Variants in RCAN3 observed in about 807,000 individuals in gnomAD.
The protein encoded by RCAN3 is regulator of calcineurin 3.
A neutral mutation model predicts 21.9 loss-of-function variants in RCAN3; 19 were observed. The ratio of observed to expected loss-of-function variants is 0.87; its 90% confidence interval spans 0.61 to 1.27. The LOEUF (loss-of-function observed/expected upper bound fraction) is 1.27. Among genes scored for constraint, RCAN3 ranks in the 50% most tolerant of loss-of-function variants. The pLI, the probability that RCAN3 is intolerant of heterozygous loss-of-function variation, is 0.00. For missense variants in RCAN3, 240 were observed against 300.1 expected (o/e 0.80, Z 1.48); for synonymous variants, 114 against 112.3 (o/e 1.01, Z -0.09).
chr1:24,512,323 T>C (rs913947586), intron 1 of RCAN3, among the ~76,000 whole-genome samples: 1 of 149,882 alleles, frequency 6.7e-6, no homozygotes, highest in Non-Finnish European at 1.5e-5. Flanking sequence ...CACTCCAGCC[T>C]GGGCAACAGG....
At chr1:24,512,295 G>T (rs1350432360) in intron 1 of RCAN3, among the ~76,000 whole-genome samples, 1 of 151,400 alleles carries the variant, frequency 6.6e-6, no homozygotes. Context: ...GTTGCAGTGA[G>T]CCAAGATCGT....
At chr1:24,529,542 CTG>C (rs1649571807) in intron 2 of RCAN3, among the ~76,000 whole-genome samples, 1 of 135,394 alleles carries the variant, frequency 7.4e-6, no homozygotes, top group Admixed American at 7.2e-5. Context: ...CAGAGAGACT[CTG>C]TCTCTCTTTT....
Position 24,531,257 on chromosome 1 carries a change from G to A in RCAN3, c.235G>A (p.Val79Ile), listed in dbSNP as rs1309516478. ...ACTCTTCACCATCTATGATGACCAG[G>A]TTACTTTTCAGCTGTTTAAAAGCTT... ...EALFTIYDDQVTFQLFKSFRR... is the reference protein window; with the variant it reads ...EALFTIYDDQITFQLFKSFRR... The change falls in exon 3 of 5, where the codon GTT becomes ATT. Residue 79 changes from valine (V) to isoleucine (I), a missense_variant. Transcript: ENST00000374395. The A allele has an allele frequency of 6.2e-7, 1 of 1,609,638 alleles. No homozygotes were observed. Among genetic ancestry groups the A allele is most frequent in the Non-Finnish European group, 8.5e-7 (1 of 1,177,464 alleles).
chr1:24,535,369 G>C lies in RCAN3; in HGVS notation c.*92G>C, dbSNP rs1340843530. 1.5e-5 allele frequency: 21 copies of C among 1,387,964 alleles called. No individual in the cohort carries two copies. Among genetic ancestry groups the C allele is most frequent in the Middle Eastern group, 5.2e-4 (2 of 3,856 alleles). 86.0% of individuals were successfully genotyped at this position (1,387,964 alleles called of 1,614,324 possible). A position where few individuals can be genotyped will look rare whatever the true frequency, so the allele number is the denominator to read the frequency against. Reference sequence around the variant, plus strand: ...CCGATGCGTTGCTGCGAACAGCATAGGTGAGACTCTGCCGAGTGAGGTATA... The same window carrying C: ...CCGATGCGTTGCTGCGAACAGCATACGTGAGACTCTGCCGAGTGAGGTATA... On this transcript the variant is annotated 3_prime_UTR_variant, in exon 5 of 5. Coordinates refer to ENST00000374395, the MANE Select transcript of RCAN3 (RefSeq NM_013441.4).
intron 1 of RCAN3, among the ~76,000 whole-genome samples, chr1:24,511,504 T>C (rs1647885959): frequency 6.6e-6 from 1 of 152,106 alleles, no homozygotes; most frequent in Non-Finnish European, 1.5e-5. Flanking sequence ...CACGTATTGA[T>C]TAGGCACACC....
At chr1:24,533,498 G>A (rs1254273057) in intron 4 of RCAN3, among the ~76,000 whole-genome samples, 2 of 152,156 alleles carry the variant, frequency 1.3e-5, no homozygotes, top group African/African-American at 4.8e-5. Context: ...CATTCAGTGT[G>A]GTTATAAGTA....
chr1:24,516,254 C>T (rs1648311773), intron 2 of RCAN3, among the ~76,000 whole-genome samples: 1 of 152,048 alleles, frequency 6.6e-6, no homozygotes, highest in Non-Finnish European at 1.5e-5. Flanking sequence ...CACTTGAGCC[C>T]AGGGTTTCAT....
intron 2 of RCAN3, among the ~76,000 whole-genome samples, chr1:24,521,720 C>CCA (rs1648829492): frequency 1.3e-5 from 2 of 152,010 alleles, no homozygotes; most frequent in African/African-American, 4.8e-5. Flanking sequence ...TGGTGGTATA[C>CCA]GCCTGTAGTC....
At chr1:24,518,737 C>T (rs1171285536) in intron 2 of RCAN3, among the ~76,000 whole-genome samples, 1 of 151,878 alleles carries the variant, frequency 6.6e-6, no homozygotes, top group Non-Finnish European at 1.5e-5. Flanking sequence ...GGACTATAGG[C>T]ATGCACCAGC....
At chr1:24,532,973 A>G in intron 3 of RCAN3, 110 bp from the exon 4 acceptor site, 1 of 731,438 alleles carries the variant, frequency 1.4e-6, no homozygotes, top group Non-Finnish European at 1.9e-6. Flanking sequence ...AAAAAAAAAA[A>G]AAGAAATGTT....
At chr1:24,533,731 C>G (rs1013655492) in intron 4 of RCAN3, among the ~76,000 whole-genome samples, 1 of 151,984 alleles carries the variant, frequency 6.6e-6, no homozygotes, top group Admixed American at 6.6e-5. Context: ...ACCCAAGAGG[C>G]AGAGGATGCA....
chr1:24,519,215 G>GTTT (rs60599694), intron 2 of RCAN3, among the ~76,000 whole-genome samples: 3,241 of 136,684 alleles, frequency 0.024, 48 homozygotes, highest in African/African-American at 0.041. Flanking sequence ...CTGGCCTGAT[G>GTTT]TTTTTTTTTT....
chr1:24,527,993 T>C (rs931998995), intron 2 of RCAN3, among the ~76,000 whole-genome samples: 3 of 152,084 alleles, frequency 2.0e-5, no homozygotes, highest in African/African-American at 4.8e-5. Flanking sequence ...GATATACACG[T>C]ACTGCAAATT....
At position 24,514,299 on chromosome 1, in the gene RCAN3, C is replaced by CT. The variant is rs886188803; in HGVS notation, c.-59-6dup. The CT allele has an allele frequency of 5.5e-4, 703 of 1,284,802 alleles. No individual in the cohort carries two copies. The highest frequency in any genetic ancestry group is 8.4e-4 in the South Asian group (46 of 54,532). 79.6% of individuals were successfully genotyped at this position (1,284,802 alleles called of 1,614,324 possible). ...CTTCGGAGTTTTACCTCTGCATTTTCTTTTTTTTTAACAGTGGGTGCCTGA... is the reference window on the plus strand; with the variant it reads ...CTTCGGAGTTTTACCTCTGCATTTTCTTTTTTTTTTAACAGTGGGTGCCTGA... On this transcript the variant is annotated splice_polypyrimidine_tract_variant and intron_variant, in intron 1 of 4. Transcript: ENST00000374395.
intron 2 of RCAN3, among the ~76,000 whole-genome samples, chr1:24,517,502 A>G (rs1357923717): frequency 3.3e-5 from 5 of 152,132 alleles, no homozygotes; most frequent in African/African-American, 9.7e-5. Flanking sequence ...GTTGGGTTTC[A>G]TTTTTTAAAC....
At chr1:24,528,519 G>A (rs944799180) in intron 2 of RCAN3, among the ~76,000 whole-genome samples, 3 of 152,066 alleles carry the variant, frequency 2.0e-5, no homozygotes, top group African/African-American at 7.2e-5. Flanking sequence ...TGATCTCCAT[G>A]CAATACATAA....
chr1:24,511,360 A>G (rs188484708), intron 1 of RCAN3, among the ~76,000 whole-genome samples: 9 of 152,308 alleles, frequency 5.9e-5, no homozygotes, highest in Non-Finnish European at 1.2e-4. Flanking sequence ...CACAGCATGT[A>G]TTGGTTAAGG....
At chr1:24,531,645 T>C (rs968878423) in intron 3 of RCAN3, among the ~76,000 whole-genome samples, 4 of 152,208 alleles carry the variant, frequency 2.6e-5, no homozygotes, top group African/African-American at 9.6e-5. Flanking sequence ...GCAGCTTTGC[T>C]CAACTGGGAC....
At chr1:24,532,971 A>AG in intron 3 of RCAN3, 112 bp from the exon 4 acceptor site, 1 of 733,464 alleles carries the variant, frequency 1.4e-6, no homozygotes, top group East Asian at 3.9e-5. Context: ...AAAAAAAAAA[A>AG]AAAAGAAATG....
Sources: allele counts gnomAD v4.1 joint callset (sites outside exome capture counted in the v4.1 genomes callset), GRCh38; gene constraint gnomAD v4.1.1; transcripts MANE v1.5; gene names NCBI Gene and HGNC (gene_info 2026-07-23, HGNC 2026-07-21).